RFX3: variants seen among roughly 807,000 people sequenced by gnomAD.
The protein encoded by RFX3 is regulatory factor X3.
In RFX3, 14 loss-of-function variants were observed where a neutral mutation model predicts 98.6. The observed-to-expected ratio is 0.14, with a 90% CI of 0.09 to 0.22. The LOEUF (loss-of-function observed/expected upper bound fraction) is 0.22, where lower values mean the gene tolerates loss of function less well. Among genes scored for constraint, RFX3 ranks in the 10% least tolerant of loss-of-function variants. The pLI is 1.00. For missense variants in RFX3, 639 were observed against 926.9 expected (o/e 0.69, Z 4.03); for synonymous variants, 383 against 328.4 (o/e 1.17, Z -1.80).
intron 3 of RFX3, among the ~76,000 whole-genome samples, chr9:3,338,258 A>G (rs1833426120): frequency 1.3e-5 from 2 of 152,226 alleles, no homozygotes; most frequent in Admixed American, 6.5e-5. Context: ...AGACATACTT[A>G]TTTCTTCTAA....
At position 3,225,601 on chromosome 9, in the gene RFX3, T is replaced by A. The variant is rs187817847; in HGVS notation, c.2012-321A>T. On this transcript the variant is annotated intron_variant, in intron 16 of 16. Coordinates refer to ENST00000617270, the MANE Select transcript of RFX3 (RefSeq NM_001282116.2). The stretch of plus-strand genomic sequence containing the variant: ...TTAAATAATGGCATAATTTGTGTCA[T>A]AATAAAATAGTCACTTTGGTATGTT... 2.6e-5 allele frequency among the ~76,000 whole-genome samples: 4 copies of A among 152,320 alleles called. No individual in the cohort carries two copies. In the East Asian group the frequency reaches 7.7e-4, roughly 29 times the overall value.
chr9:3,385,768 T>G (rs922599159), intron 2 of RFX3, among the ~76,000 whole-genome samples: 1 of 151,772 alleles, frequency 6.6e-6, no homozygotes, highest in African/African-American at 2.4e-5. Context: ...TTGGGAATAG[T>G]TGCACTAAAG....
At chr9:3,232,441 C>G (rs1218591757) in intron 15 of RFX3, among the ~76,000 whole-genome samples, 1 of 152,194 alleles carries the variant, frequency 6.6e-6, no homozygotes, top group East Asian at 1.9e-4. Context: ...CCCACCACAA[C>G]CTGCCGAACT....
chr9:3,221,707 C>T lies in RFX3; in HGVS notation c.*3335G>A, dbSNP rs1320144430. The T allele has an allele frequency of 6.6e-6, 1 of 152,112 alleles. No individual in the cohort carries two copies. The highest frequency in any genetic ancestry group is 2.4e-5 in the African/African-American group (1 of 41,428). 9.4% of individuals were successfully genotyped at this position (152,112 alleles called of 1,614,324 possible). ...CCAAGGAGATGGTTCATCCATTCCA[C>T]CCTATTGTTCACTGGTTTCATGAAT... On this transcript the variant is annotated 3_prime_UTR_variant, in exon 17 of 17. Coordinates refer to ENST00000617270, the MANE Select transcript of RFX3 (RefSeq NM_001282116.2).
intron 1 of RFX3, among the ~76,000 whole-genome samples, chr9:3,519,211 T>C (rs560205592): frequency 6.6e-6 from 1 of 152,312 alleles, no homozygotes; most frequent in East Asian, 1.9e-4. Flanking sequence ...AGGAGCCCAT[T>C]ATAAGGCTGC....
intron 2 of RFX3, among the ~76,000 whole-genome samples, chr9:3,380,123 C>T (rs1839021839): frequency 2.0e-5 from 3 of 151,976 alleles, no homozygotes. Flanking sequence ...ATGAGGGTTT[C>T]ACCATGTTGG....
chr9:3,267,636 C>T (rs1052171126), intron 11 of RFX3, among the ~76,000 whole-genome samples: 7 of 151,686 alleles, frequency 4.6e-5, no homozygotes, highest in Non-Finnish European at 8.8e-5. Context: ...TCCTTAACCA[C>T]GAGGATCATC....
Position 3,525,941 on chromosome 9 carries a change from G to GGGA in RFX3, c.-204_-203insTCC. ...TAACTCACAAAAGAGAGAGAGAGAG[G>GGGA]GAGAGAGAGAGAGAGCGAGAGGGAG... is the stretch of plus-strand genomic sequence containing the variant. On this transcript the variant is annotated 5_prime_UTR_variant, in exon 1 of 17. Transcript: ENST00000617270. 4 of 781,856 alleles carry GGGA rather than the reference G, an allele frequency of 5.1e-6. No individual in the cohort carries two copies. The highest frequency in any genetic ancestry group is 6.2e-6 in the Non-Finnish European group (4 of 648,264). The allele number at this position is 781,856 out of a possible 1,614,324, so 48.4% of individuals were successfully genotyped here.
At chr9:3,425,984 A>G (rs1284608790) in intron 1 of RFX3, among the ~76,000 whole-genome samples, 1 of 152,178 alleles carries the variant, frequency 6.6e-6, no homozygotes, top group African/African-American at 2.4e-5. Context: ...TTAGCTTTTC[A>G]TACACAGTAG....
chr9:3,436,293 C>G (rs560805321), intron 1 of RFX3, among the ~76,000 whole-genome samples: 1 of 151,910 alleles, frequency 6.6e-6, no homozygotes, highest in Non-Finnish European at 1.5e-5. Context: ...CTGGTAATTA[C>G]AACCAGTATT....
chr9:3,287,300 C>T (rs575549731), intron 7 of RFX3, among the ~76,000 whole-genome samples: 2 of 152,022 alleles, frequency 1.3e-5, no homozygotes, highest in African/African-American at 4.8e-5. Flanking sequence ...GGCCTCCTTT[C>T]TCCTACCTAA....
chr9:3,337,041 T>G lies in RFX3; in HGVS notation c.216-6524A>C, dbSNP rs1380340117. On this transcript the variant is annotated intron_variant, in intron 3 of 16. Transcript: ENST00000617270. Reference sequence around the variant, plus strand: ...CTGTTACAGACTATTGTAAGAAGTTTGGATTTTGATTTGGGCTGGGATAGT... The same window carrying G: ...CTGTTACAGACTATTGTAAGAAGTTGGGATTTTGATTTGGGCTGGGATAGT... Among the ~76,000 whole-genome samples, 6 of 152,312 alleles carry G rather than the reference T, an allele frequency of 3.9e-5. No homozygotes were observed. In the East Asian group the frequency reaches 1.2e-3, roughly 29 times the overall value.
At chr9:3,395,063 G>GC (rs1237445261) in intron 2 of RFX3, among the ~76,000 whole-genome samples, 1 of 152,168 alleles carries the variant, frequency 6.6e-6, no homozygotes, top group Non-Finnish European at 1.5e-5. Flanking sequence ...CCTGGAAGGT[G>GC]CATGCATCCT....
chr9:3,458,027 G>A (rs1342473367), intron 1 of RFX3, among the ~76,000 whole-genome samples: 1 of 152,140 alleles, frequency 6.6e-6, no homozygotes, highest in African/African-American at 2.4e-5. Context: ...GAGTTGAGTC[G>A]TGAGGAAGCA....
chr9:3,504,856 TGATATAATATATA>T lies in RFX3; in HGVS notation c.-9+20878_-9+20890del, dbSNP rs1564185140. On this transcript the variant is annotated intron_variant, in intron 1 of 16. Transcript: ENST00000617270. ...ATGTATAAAATATATATATTATATA[TGATATAATATATA>T]TTATATATATTATATATAATATAAC... Among the ~76,000 whole-genome samples, 11 of 78,214 alleles carry T rather than the reference TGATATAATATATA, an allele frequency of 1.4e-4. 1 individual carries two copies. The highest frequency in any genetic ancestry group is 7.1e-4 in the African/African-American group (11 of 15,512). The allele number at this position is 78,214 out of a possible 152,430, so 51.3% of individuals were successfully genotyped here. A position where few individuals can be genotyped will look rare whatever the true frequency, so the allele number is the denominator to read the frequency against.
intron 1 of RFX3, among the ~76,000 whole-genome samples, chr9:3,425,810 C>T (rs1485454657): frequency 6.6e-6 from 1 of 152,114 alleles, no homozygotes; most frequent in Non-Finnish European, 1.5e-5. Context: ...TACCTTAGGT[C>T]CCTGAATCTC....
intron 1 of RFX3, among the ~76,000 whole-genome samples, chr9:3,398,032 G>A (rs1841074978): frequency 6.6e-6 from 1 of 152,126 alleles, no homozygotes; most frequent in African/African-American, 2.4e-5. Context: ...GTGAGTATGT[G>A]GGAAACTTCC....
At chr9:3,324,134 G>C (rs1244303304) in intron 4 of RFX3, 1 of 368,492 alleles carries the variant, frequency 2.7e-6, no homozygotes. Context: ...AAAAAGCTAA[G>C]ATCATAATGG....
intron 4 of RFX3, among the ~76,000 whole-genome samples, chr9:3,324,350 G>A (rs369997584): frequency 2.0e-5 from 3 of 151,842 alleles, no homozygotes; most frequent in African/African-American, 4.8e-5. Flanking sequence ...AAACAGAAGC[G>A]TTCATCTCAT....
Sources: gnomAD v4.1 joint callset for allele counts (sites outside exome capture counted in the v4.1 genomes callset) on GRCh38, gnomAD v4.1.1 for gene constraint, MANE v1.5 for transcripts, NCBI Gene and HGNC (gene_info 2026-07-23, HGNC 2026-07-21) for gene names.